Variants in CYS1 observed in about 807,000 individuals in gnomAD.
CYS1 encodes the protein cystin-1.
CYS1 carries 5 observed loss-of-function variants against 9.6 expected under a neutral mutation model. The observed-to-expected ratio is 0.52, with a 90% CI of 0.27 to 1.10. The LOEUF (loss-of-function observed/expected upper bound fraction) is 1.10, where lower values mean the gene tolerates loss of function less well. Ranked by LOEUF, CYS1 falls within the 50% of genes least tolerant of loss-of-function variation. The pLI, the probability that CYS1 is intolerant of heterozygous loss-of-function variation, is 0.11. For missense variants in CYS1, 221 were observed against 207.9 expected (o/e 1.06, Z -0.39); for synonymous variants, 88 against 95.7 (o/e 0.92, Z 0.47).
chr2:10,076,253 G>T lies in CYS1; in HGVS notation c.318+3653C>A, dbSNP rs1054878317. Among the ~76,000 whole-genome samples, 2 of 152,076 alleles carry T rather than the reference G, an allele frequency of 1.3e-5. No individual in the cohort carries two copies. Among genetic ancestry groups the T allele is most frequent in the Non-Finnish European group, 2.9e-5 (2 of 68,012 alleles). On this transcript the variant is annotated intron_variant, in intron 1 of 2. Transcript: ENST00000381813. The surrounding 1 kb of genome is among the most constrained non-coding windows in gnomAD (Gnocchi z 4.3). ...TTAAACCAAAATTTCTTCTCCAAGG[G>T]TTCCTTCAAATTTCACGAGGGCATC...
intron 1 of CYS1, among the ~76,000 whole-genome samples, chr2:10,074,400 C>A (rs369994852): frequency 6.6e-6 from 1 of 152,232 alleles, no homozygotes; most frequent in East Asian, 1.9e-4. Context: ...TCCTCCTCCA[C>A]CTCTCACCTG....
At chr2:10,074,538 G>A (rs1661816972) in intron 1 of CYS1, among the ~76,000 whole-genome samples, 1 of 152,172 alleles carries the variant, frequency 6.6e-6, no homozygotes, top group Non-Finnish European at 1.5e-5. Flanking sequence ...GCTTGTCTCT[G>A]GAGAGGGGAG....
chr2:10,057,341 T>C lies in CYS1; in HGVS notation c.*1512A>G, dbSNP rs1661564256. ...CCGCTCCAAGCTCTGACTTCAAAAG[T>C]TGGAGTTTCCCAGCTGCGAACAGCT... On this transcript the variant is annotated 3_prime_UTR_variant, in exon 3 of 3. Coordinates refer to ENST00000381813, the MANE Select transcript of CYS1 (RefSeq NM_001037160.3). 6.6e-6 allele frequency: 1 copy of C among 152,250 alleles called. No individual in the cohort carries two copies. Among genetic ancestry groups the C allele is most frequent in the Non-Finnish European group, 1.5e-5 (1 of 68,046 alleles). The allele number at this position is 152,250 out of a possible 1,614,324, so 9.4% of individuals were successfully genotyped here.
intron 1 of CYS1, among the ~76,000 whole-genome samples, chr2:10,077,396 T>A (rs1235726834): frequency 3.3e-5 from 5 of 152,260 alleles, no homozygotes; most frequent in African/African-American, 1.2e-4. Context: ...AATTTTTAAA[T>A]GTGAGTGCTT....
chr2:10,071,640 T>C (rs1230889414), intron 1 of CYS1, among the ~76,000 whole-genome samples: 1 of 152,214 alleles, frequency 6.6e-6, no homozygotes, highest in Non-Finnish European at 1.5e-5. Context: ...GAACTTACTT[T>C]CTCAGATGGA....
rs927721310 is a variant in CYS1 at position 10,058,677 on chromosome 2, C to T, written c.*176G>A. ...TCGCCCCCACCAGCAACCATGACCG[C>T]CAGTGGCTGGCCCAGGTCAGCGCGG... is the stretch of plus-strand genomic sequence containing the variant. On this transcript the variant is annotated 3_prime_UTR_variant, in exon 3 of 3. Coordinates refer to ENST00000381813, the MANE Select transcript of CYS1 (RefSeq NM_001037160.3). The T allele has an allele frequency of 7.3e-6, 4 of 544,570 alleles. No homozygotes were observed. In the South Asian group the frequency reaches 1.2e-4, roughly 16 times the overall value. The allele number at this position is 544,570 out of a possible 1,614,324, so 33.7% of individuals were successfully genotyped here. A position where few individuals can be genotyped will look rare whatever the true frequency, so the allele number is the denominator to read the frequency against.
At position 10,076,802 on chromosome 2, in the gene CYS1, C is replaced by G. The variant is rs1410480583; in HGVS notation, c.318+3104G>C. Among the ~76,000 whole-genome samples the G allele has an allele frequency of 6.6e-6, 1 of 152,166 alleles. No individual in the cohort carries two copies. Among genetic ancestry groups the G allele is most frequent in the Non-Finnish European group, 1.5e-5 (1 of 68,026 alleles). On this transcript the variant is annotated intron_variant, in intron 1 of 2. Transcript: ENST00000381813. This position sits in a 1 kb window ranked among gnomAD's most constrained non-coding sequence, Gnocchi z 4.3. ...CTTCCTAAGCACACGCTGGCAGCAT[C>G]GTCACTGGTGATCCCATCTAATCTC...
Position 10,076,363 on chromosome 2 carries a change from C to T in CYS1, c.318+3543G>A, listed in dbSNP as rs146838133. Among the ~76,000 whole-genome samples the T allele has an allele frequency of 2.6e-5, 4 of 152,140 alleles. No individual in the cohort carries two copies. Among genetic ancestry groups the T allele is most frequent in the South Asian group, 2.1e-4 (1 of 4,826 alleles). ...CCAGGTCCAGCAGCACCATCCCTAC[C>T]GCCATCCACTACTGCTGCGCTGTAA... On this transcript the variant is annotated intron_variant, in intron 1 of 2. Transcript: ENST00000381813. The surrounding 1 kb of genome is among the most constrained non-coding windows in gnomAD (Gnocchi z 4.3).
In CYS1 at chr2:10,057,060, A is replaced by C. The variant is rs1480842590; in HGVS notation, c.*1793T>G. On this transcript the variant is annotated 3_prime_UTR_variant, in exon 3 of 3. Transcript: ENST00000381813. ...GGTATTACACCTTTTCCACCAGAAAATGCAGAGGTATCATCTTTCTTGGAA... is the reference window on the plus strand; with the variant it reads ...GGTATTACACCTTTTCCACCAGAAACTGCAGAGGTATCATCTTTCTTGGAA... 3 of 152,238 alleles carry C rather than the reference A, an allele frequency of 2.0e-5. No individual in the cohort carries two copies. The highest frequency in any genetic ancestry group is 7.2e-5 in the African/African-American group (3 of 41,466). The allele number at this position is 152,238 out of a possible 1,614,324, so 9.4% of individuals were successfully genotyped here.
At chr2:10,064,099 T>C (rs1418768014) in intron 2 of CYS1, among the ~76,000 whole-genome samples, 1 of 152,160 alleles carries the variant, frequency 6.6e-6, no homozygotes, top group East Asian at 1.9e-4. Flanking sequence ...GGCTCGTGCC[T>C]GTAATCCCAG....
At chr2:10,075,676 A>G (rs1451039958) in intron 1 of CYS1, among the ~76,000 whole-genome samples, 1 of 152,224 alleles carries the variant, frequency 6.6e-6, no homozygotes, top group Non-Finnish European at 1.5e-5. Context: ...GGTAACAGGC[A>G]AGAAAGAATT....
intron 2 of CYS1, among the ~76,000 whole-genome samples, chr2:10,061,680 G>A (rs1049777181): frequency 1.2e-4 from 19 of 152,198 alleles, no homozygotes; most frequent in South Asian, 6.2e-4. Flanking sequence ...GGAAGCTGAC[G>A]GGCAGCCCTG....
chr2:10,063,920 T>G lies in CYS1; in HGVS notation c.371+1984A>C, dbSNP rs1661660960. On this transcript the variant is annotated intron_variant, in intron 2 of 2. Transcript: ENST00000381813. The surrounding 1 kb of genome is among the most constrained non-coding windows in gnomAD (Gnocchi z 4.2). ...AGGGCAGCACTCAGGGAGGCTCCCA[T>G]TAAAGTATACTGAATGAAAAGGCTG... Among the ~76,000 whole-genome samples, 1 of 152,176 alleles carries G rather than the reference T, an allele frequency of 6.6e-6. No homozygotes were observed. The highest frequency in any genetic ancestry group is 2.4e-5 in the African/African-American group (1 of 41,430).
chr2:10,079,114 A>C (rs1450914064), intron 1 of CYS1, among the ~76,000 whole-genome samples: 1 of 152,190 alleles, frequency 6.6e-6, no homozygotes, highest in East Asian at 1.9e-4. Context: ...GCAGGGAACC[A>C]GGGCCAGAGG....
chr2:10,072,062 G>A lies in CYS1; in HGVS notation c.319-6106C>T, dbSNP rs139123674. Reference sequence around the variant, plus strand: ...TTTGACTCTTAAAACTAAAGTTTTCGTGAAAATTAAAGTTTCAAAGGTTAC... The same window carrying A: ...TTTGACTCTTAAAACTAAAGTTTTCATGAAAATTAAAGTTTCAAAGGTTAC... On this transcript the variant is annotated intron_variant, in intron 1 of 2. Coordinates refer to ENST00000381813, the MANE Select transcript of CYS1 (RefSeq NM_001037160.3). Among the ~76,000 whole-genome samples, 358 of 152,014 alleles carry A rather than the reference G, an allele frequency of 2.4e-3. 2 individuals are homozygous for A. Among genetic ancestry groups the A allele is most frequent in the African/African-American group, 8.4e-3 (350 of 41,490 alleles).
chr2:10,057,003 T>C lies in CYS1; in HGVS notation c.*1850A>G, dbSNP rs1420155006. On this transcript the variant is annotated 3_prime_UTR_variant, in exon 3 of 3. Transcript: ENST00000381813. Reference sequence around the variant, plus strand: ...ATATAGCTTGTAACTACTTTTGGAATTTTTTTCCCCTAACACTTTGATCTC... The same window carrying C: ...ATATAGCTTGTAACTACTTTTGGAACTTTTTTCCCCTAACACTTTGATCTC... 6.6e-6 allele frequency: 1 copy of C among 152,166 alleles called. No homozygotes were observed. Among genetic ancestry groups the C allele is most frequent in the Non-Finnish European group, 1.5e-5 (1 of 68,032 alleles). 9.4% of individuals were successfully genotyped at this position (152,166 alleles called of 1,614,324 possible). A position where few individuals can be genotyped will look rare whatever the true frequency, so the allele number is the denominator to read the frequency against.
rs1011767619 is a variant in CYS1 at position 10,056,507 on chromosome 2, G to A, written c.*2346C>T. ...ACTTAAGATTTTTCCAGACAACAAC[G>A]TGCGTCATTTTTGCCTTTGAGATGT... On this transcript the variant is annotated 3_prime_UTR_variant, in exon 3 of 3. Coordinates refer to ENST00000381813, the MANE Select transcript of CYS1 (RefSeq NM_001037160.3). Among the ~76,000 whole-genome samples the A allele has an allele frequency of 5.3e-5, 8 of 152,210 alleles. No homozygotes were observed. The highest frequency in any genetic ancestry group is 1.9e-4 in the African/African-American group (8 of 41,456).
chr2:10,071,429 A>G (rs1448684045), intron 1 of CYS1, among the ~76,000 whole-genome samples: 3 of 152,146 alleles, frequency 2.0e-5, no homozygotes, highest in Admixed American at 2.0e-4. Flanking sequence ...ACTGCTCACT[A>G]ACATGAAGAC....
chr2:10,070,222 G>C (rs1422800210), intron 1 of CYS1, among the ~76,000 whole-genome samples: 1 of 152,164 alleles, frequency 6.6e-6, no homozygotes, highest in Non-Finnish European at 1.5e-5. Context: ...TGGTGTACTT[G>C]GTTCAATGCC....
Sources: gnomAD v4.1 joint callset for allele counts (sites outside exome capture counted in the v4.1 genomes callset) on GRCh38, gnomAD v4.1.1 for gene constraint, Gnocchi (gnomAD v3.1) non-coding constraint, MANE v1.5 for transcripts, NCBI Gene and HGNC (gene_info 2026-07-23, HGNC 2026-07-21) for gene names.